The following ACOXL variants were observed in gnomAD, a reference collection of about 807,000 sequenced individuals.
The protein encoded by ACOXL is acyl-coenzyme A oxidase-like protein.
ACOXL carries 70 observed loss-of-function variants against 71.9 expected under a neutral mutation model. The ratio of observed to expected loss-of-function variants is 0.97; its 90% CI spans 0.80 to 1.19. The LOEUF (loss-of-function observed/expected upper bound fraction) is 1.19, where lower values mean the gene tolerates loss of function less well. Ranked by LOEUF, ACOXL falls within the 50% of genes most tolerant of loss-of-function variation. The probability of loss-of-function intolerance (pLI) is 0.00; values close to 1 mark genes in which losing one functional copy is unlikely to be tolerated. For missense variants in ACOXL, 703 were observed against 736.3 expected, an observed-to-expected ratio of 0.95 and a Z score of 0.52; for synonymous variants, 253 against 281.6, an observed-to-expected ratio of 0.90 and a Z score of 1.02.
In ACOXL at chr2:111,060,887, A is replaced by C. The variant is rs551289798; in HGVS notation, c.1440+11599A>C. Among the ~76,000 whole-genome samples, 7 of 152,346 alleles carry C rather than the reference A, an allele frequency of 4.6e-5. No homozygotes were observed. In the South Asian group the frequency reaches 1.4e-3, roughly 32 times the overall value. ...ATATAACAACTGAAATAAGAATCTC[A>C]GTAGATGGGCTCAACAGCAGAATGG... On this transcript the variant is annotated intron_variant, in intron 16 of 17. Coordinates refer to ENST00000439055, the MANE Select transcript of ACOXL (RefSeq NM_001142807.4).
At chr2:110,745,235 G>C (rs1239919677) in intron 1 of ACOXL, among the ~76,000 whole-genome samples, 2 of 152,198 alleles carry the variant, frequency 1.3e-5, no homozygotes, top group African/African-American at 2.4e-5. Context: ...GACAGGCCCT[G>C]TCCACCTCGT....
intron 10 of ACOXL, among the ~76,000 whole-genome samples, chr2:110,841,613 T>C (rs148193605): frequency 0.01 from 1,577 of 152,316 alleles, 16 homozygotes; most frequent in Non-Finnish European, 0.018. Context: ...TGGTGGTAGA[T>C]AGCACATTTA....
At chr2:110,996,532 C>G (rs1468870547) in intron 14 of ACOXL, among the ~76,000 whole-genome samples, 3 of 152,158 alleles carry the variant, frequency 2.0e-5, no homozygotes, top group African/African-American at 4.8e-5. Flanking sequence ...ACTGTCCACC[C>G]TAGCAATATC....
Position 110,952,622 on chromosome 2 carries a change from A to T in ACOXL, c.1059+18980A>T, listed in dbSNP as rs536185229. The stretch of plus-strand genomic sequence containing the variant: ...CTATCATGCCCAGCTAATTTTTAAA[A>T]TTTTTGTTGAAATGGGGGTCTCACT... On this transcript the variant is annotated intron_variant, in intron 12 of 17. Transcript: ENST00000439055. Among the ~76,000 whole-genome samples the T allele has an allele frequency of 2.0e-5, 3 of 152,040 alleles. No homozygotes were observed. The East Asian group carries it at 5.8e-4, about 29-fold the overall frequency.
At chr2:110,946,016 A>T (rs2061094109) in intron 12 of ACOXL, among the ~76,000 whole-genome samples, 1 of 152,026 alleles carries the variant, frequency 6.6e-6, no homozygotes, top group Non-Finnish European at 1.5e-5. Flanking sequence ...GTCATCTCTG[A>T]TTTCTTTGAG....
chr2:110,774,486 T>TA (rs1682390449), intron 2 of ACOXL, among the ~76,000 whole-genome samples: 1 of 152,130 alleles, frequency 6.6e-6, no homozygotes, highest in Non-Finnish European at 1.5e-5. Flanking sequence ...AGCTACAGGA[T>TA]AAAAATCAAC....
chr2:111,013,638 T>A (rs556962043), intron 14 of ACOXL, among the ~76,000 whole-genome samples: 3 of 152,120 alleles, frequency 2.0e-5, no homozygotes, highest in African/African-American at 7.2e-5. Context: ...TTTTATTCCA[T>A]AACAACAACG....
At chr2:111,067,741 A>G (rs2067141756) in intron 16 of ACOXL, among the ~76,000 whole-genome samples, 1 of 152,246 alleles carries the variant, frequency 6.6e-6, no homozygotes, top group Non-Finnish European at 1.5e-5. Context: ...TAACAATGGA[A>G]TCAAAGTAAC....
At chr2:111,027,649 A>G (rs960101538) in intron 14 of ACOXL, among the ~76,000 whole-genome samples, 2 of 152,122 alleles carry the variant, frequency 1.3e-5, no homozygotes, top group African/African-American at 4.8e-5. Context: ...TAAGTACCTC[A>G]AAGCATAAAT....
chr2:110,897,731 T>G (rs774465753), intron 10 of ACOXL, among the ~76,000 whole-genome samples: 3 of 149,196 alleles, frequency 2.0e-5, no homozygotes, highest in African/African-American at 4.9e-5. Flanking sequence ...GCAAAAAGAA[T>G]AAAGTAATAA....
intron 12 of ACOXL, among the ~76,000 whole-genome samples, chr2:110,983,427 G>C (rs1242209379): frequency 6.6e-6 from 1 of 152,206 alleles, no homozygotes; most frequent in Non-Finnish European, 1.5e-5. Flanking sequence ...AATGTTGGCT[G>C]TAGATTTGCT....
rs1681042761 is a variant in ACOXL at position 110,766,207 on chromosome 2, G to A, written c.-22-2161G>A. Among the ~76,000 whole-genome samples the A allele has an allele frequency of 2.0e-5, 3 of 152,130 alleles. No individual in the cohort carries two copies. In the South Asian group the frequency reaches 6.2e-4, roughly 32 times the overall value. On this transcript the variant is annotated intron_variant, in intron 1 of 17. Coordinates refer to ENST00000439055, the MANE Select transcript of ACOXL (RefSeq NM_001142807.4). ...TTCCTTGTTGCTGTGATGATTCTTA[G>A]TAAATTCTTTGTATGTGTTCTGACA...
chr2:110,770,249 A>G, intron 2 of ACOXL, among the ~76,000 whole-genome samples: 1 of 152,116 alleles, frequency 6.6e-6, no homozygotes, highest in East Asian at 1.9e-4. Flanking sequence ...AGTTCAGGAG[A>G]CCACAGGGGC....
chr2:110,794,938 C>T (rs919675124), intron 5 of ACOXL, among the ~76,000 whole-genome samples: 12 of 152,040 alleles, frequency 7.9e-5, no homozygotes, highest in African/African-American at 2.9e-4. Flanking sequence ...CTCCTACACG[C>T]ACCCCGCCCC....
intron 12 of ACOXL, among the ~76,000 whole-genome samples, chr2:110,953,229 A>C (rs962525148): frequency 6.6e-6 from 1 of 152,172 alleles, no homozygotes. Context: ...CTGAGATTCA[A>C]ATCCAGGCTG....
Position 110,934,298 on chromosome 2 carries a change from G to A in ACOXL, c.1059+656G>A, listed in dbSNP as rs1373912937. Among the ~76,000 whole-genome samples the A allele has an allele frequency of 2.0e-5, 3 of 152,270 alleles. No homozygotes were observed. In the East Asian group the frequency reaches 5.8e-4, roughly 29 times the overall value. Reference sequence around the variant, plus strand: ...TCTGAGGGCAGGACACGCAGCATGAGGCTGTGGACCTGTGACATGGTGGCA... The same window carrying A: ...TCTGAGGGCAGGACACGCAGCATGAAGCTGTGGACCTGTGACATGGTGGCA... On this transcript the variant is annotated intron_variant, in intron 12 of 17. Transcript: ENST00000439055.
intron 10 of ACOXL, among the ~76,000 whole-genome samples, chr2:110,868,732 C>T (rs1694917810): frequency 6.6e-6 from 1 of 152,092 alleles, no homozygotes. Context: ...GGTACTACAG[C>T]CATGTGCCAC....
At chr2:110,783,570 GGTTA>G (rs1488704480) in intron 2 of ACOXL, among the ~76,000 whole-genome samples, 9 of 152,130 alleles carry the variant, frequency 5.9e-5, no homozygotes, top group Admixed American at 2.0e-4. Context: ...ATTCAAGGAA[GGTTA>G]GTTATCATCC....
At chr2:110,766,544 T>C (rs1681092498) in intron 1 of ACOXL, among the ~76,000 whole-genome samples, 1 of 152,216 alleles carries the variant, frequency 6.6e-6, no homozygotes, top group African/African-American at 2.4e-5. Flanking sequence ...CACATCACTT[T>C]GTTGTCACCG....
Sources: gnomAD v4.1 joint callset for allele counts (sites outside exome capture counted in the v4.1 genomes callset) on GRCh38, gnomAD v4.1.1 for gene constraint, MANE v1.5 for transcripts, NCBI Gene and HGNC (gene_info 2026-07-23, HGNC 2026-07-21) for gene names.